Variants in G2E3 observed in about 807,000 individuals in gnomAD.
G2E3 encodes the protein G2/M-phase specific E3 ubiquitin protein ligase.
In G2E3, 35 loss-of-function variants were observed where a neutral mutation model predicts 92.8. The observed-to-expected ratio is 0.38, with a 90% CI of 0.29 to 0.50. The LOEUF is 0.50. G2E3 is among the 20% of genes least tolerant of loss of function. The pLI, the probability that G2E3 is intolerant of heterozygous loss-of-function variation, is 0.94. For synonymous variants in G2E3, 242 were observed against 272.4 expected, an observed-to-expected ratio of 0.89 and a Z score of 1.10; for missense variants, 554 against 823.8, an observed-to-expected ratio of 0.67 and a Z score of 4.01.
At chr14:30,610,144 A>G (rs74956779) in intron 12 of G2E3, among the ~76,000 whole-genome samples, 2,956 of 152,218 alleles carry the variant, frequency 0.019, 53 homozygotes, top group Middle Eastern at 0.034. Flanking sequence ...TGTACTTTTT[A>G]TCCAGTGTTT....
At chr14:30,580,842 G>T (rs1288992561) in intron 1 of G2E3, 1 of 430,954 alleles carries the variant, frequency 2.3e-6, no homozygotes, top group East Asian at 4.8e-5. Context: ...AATACCAGTG[G>T]TCATCTTAAT....
chr14:30,605,769 G>A lies in G2E3; in HGVS notation c.1275G>A (p.Leu425=). The change falls in exon 11 of 15, where the codon TTG becomes TTA. Residue 425 remains leucine (L), a synonymous_variant. Transcript: ENST00000206595. ...TGCAACATCTTGAGAACTCATCATT[G>A]TTTGAAGGGTCCTTGTCAAAGAACT... ...LLMQHLENSS[L]FEGSLSKNLS... is the part of the protein sequence containing the mutation. 6.3e-7 allele frequency: 1 copy of A among 1,592,294 alleles called. No homozygotes were observed. The highest frequency in any genetic ancestry group is 2.2e-5 in the East Asian group (1 of 44,622).
chr14:30,580,676 A>G (rs72666418), intron 1 of G2E3, among the ~76,000 whole-genome samples: 12,159 of 152,288 alleles, frequency 0.08, 659 homozygotes, highest in Non-Finnish European at 0.13. Flanking sequence ...ATTTGTTAAT[A>G]TGTAAAATGG....
rs1881880561 is a variant in G2E3, at chr14:30,607,398, G to A, written c.1319-490G>A. Among the ~76,000 whole-genome samples, 2 of 152,144 alleles carry A rather than the reference G, an allele frequency of 1.3e-5. 1 individual carries two copies. The highest frequency in any genetic ancestry group is 6.8e-3 in the Middle Eastern group (2 of 294). On this transcript the variant is annotated intron_variant, in intron 11 of 14. Coordinates refer to ENST00000206595, the MANE Select transcript of G2E3 (RefSeq NM_017769.5). ...CCAAGGCTCTATGGTAAAGCCTATT[G>A]GTTCTAGACTGCAAACCTGTATAAC...
chr14:30,604,872 CTTCA>C (rs138039664), intron 10 of G2E3, among the ~76,000 whole-genome samples: 64,008 of 147,100 alleles, frequency 0.44, 14,792 homozygotes, highest in East Asian at 0.58. Context: ...TTTGAGCTTG[CTTCA>C]TTCATTCATT....
Position 30,601,865 on chromosome 14 carries a change from T to A in G2E3, c.848T>A (p.Leu283Ter). 6.2e-7 allele frequency: 1 copy of A among 1,613,822 alleles called. No individual in the cohort carries two copies. Among genetic ancestry groups the A allele is most frequent in the Non-Finnish European group, 8.5e-7 (1 of 1,179,714 alleles). ...LRSWEQNWEC[L>*]ECRGIIYNSG... ...TCATGGGAGCAAAATTGGGAGTGTT[T>A]GGAATGTAGGGGTATTATCTACAAT... The change falls in exon 9 of 15, where the codon TTG becomes TAG. Residue 283 changes from leucine to a stop codon, truncating the protein, a stop_gained. Coordinates refer to ENST00000206595, the MANE Select transcript of G2E3 (RefSeq NM_017769.5). LOFTEE classifies it high-confidence loss of function.
intron 12 of G2E3, among the ~76,000 whole-genome samples, chr14:30,608,851 A>G (rs1881956922): frequency 6.6e-6 from 1 of 152,310 alleles, no homozygotes; most frequent in African/African-American, 2.4e-5. Context: ...GCGTGGTGGC[A>G]TGTGCCTGTA....
chr14:30,601,935 G>A, intron 9 of G2E3, 41 bp downstream of exon 9: 1 of 1,602,048 alleles, frequency 6.2e-7, no homozygotes, highest in Non-Finnish European at 8.5e-7. Flanking sequence ...TTATTCAAAT[G>A]TATATGATTT....
chr14:30,560,888 T>C (rs543485140), intron 1 of G2E3: 1 of 689,272 alleles, frequency 1.5e-6, no homozygotes, highest in African/African-American at 1.8e-5. Context: ...TGATCTTTCC[T>C]AGAAAGGCAT....
intron 1 of G2E3, among the ~76,000 whole-genome samples, chr14:30,573,027 C>T (rs1451197779): frequency 1.3e-5 from 2 of 151,698 alleles, no homozygotes; most frequent in Non-Finnish European, 2.9e-5. Context: ...GGATGGAGGT[C>T]TCACTATGTT....
At position 30,608,021 on chromosome 14, in the gene G2E3, A is replaced by G. The variant is rs763877040; in HGVS notation, c.1452A>G (p.Pro484=). 2 of 1,600,158 alleles carry G rather than the reference A, an allele frequency of 1.2e-6. No individual in the cohort carries two copies. Among genetic ancestry groups the G allele is most frequent in the Non-Finnish European group, 1.7e-6 (2 of 1,175,334 alleles). ...CLVYGPENTQ[P]ILDDVSDFDV... ...TTTATGGACCAGAAAATACCCAGCC[A>G]ATTTTAGATGATGTTTCAGACTTTG... is the stretch of plus-strand genomic sequence containing the variant. Residue 484 remains proline (P), a synonymous_variant, in exon 12 of 15, where the codon CCA becomes CCG. Transcript: ENST00000206595.
At chr14:30,562,702 G>A (rs895223755) in intron 1 of G2E3, among the ~76,000 whole-genome samples, 1 of 152,054 alleles carries the variant, frequency 6.6e-6, no homozygotes, top group African/African-American at 2.4e-5. Flanking sequence ...AGGCCTAACC[G>A]TCTCCCTGTG....
At chr14:30,614,583 GC>G (rs1882231824) in intron 13 of G2E3, among the ~76,000 whole-genome samples, 1 of 152,252 alleles carries the variant, frequency 6.6e-6, no homozygotes, top group African/African-American at 2.4e-5. Context: ...TGTTATACTG[GC>G]CATTAAATTT....
chr14:30,610,494 T>C (rs919375284), intron 12 of G2E3, among the ~76,000 whole-genome samples: 1 of 152,070 alleles, frequency 6.6e-6, no homozygotes, highest in African/African-American at 2.4e-5. Context: ...CGCGCGCCTA[T>C]AGTCCCAGCT....
intron 2 of G2E3, among the ~76,000 whole-genome samples, chr14:30,581,575 G>A (rs1880436104): frequency 6.6e-6 from 1 of 152,154 alleles, no homozygotes; most frequent in Non-Finnish European, 1.5e-5. Flanking sequence ...GGAGGCGCAT[G>A]CCTGTAATCC....
intron 11 of G2E3, 37 bp downstream of exon 11, chr14:30,605,849 C>A (rs1461856915): frequency 6.5e-6 from 7 of 1,084,408 alleles, no homozygotes; most frequent in African/African-American, 6.3e-5. Context: ...TACCAAATAT[C>A]ACATGTATAG....
At chr14:30,566,426 G>A (rs967476698) in intron 1 of G2E3, among the ~76,000 whole-genome samples, 2 of 152,134 alleles carry the variant, frequency 1.3e-5, no homozygotes, top group Non-Finnish European at 2.9e-5. Flanking sequence ...TTTCAGCACT[G>A]TTTTGTAGTT....
Position 30,566,530 on chromosome 14 carries a change from T to C in G2E3, c.-5+7258T>C, listed in dbSNP as rs142851760. On this transcript the variant is annotated intron_variant, in intron 1 of 14. Coordinates refer to ENST00000206595, the MANE Select transcript of G2E3 (RefSeq NM_017769.5). ...GGAATTGTTTACTTAATTTCCTTTT[T>C]GGATTGTTCATTGTTATATAGAAAT... is the stretch of plus-strand genomic sequence containing the variant. Among the ~76,000 whole-genome samples, 374 of 152,342 alleles carry C rather than the reference T, an allele frequency of 2.5e-3. 1 individual carries two copies. Among genetic ancestry groups the C allele is most frequent in the East Asian group, 2.3e-3 (12 of 5,186 alleles).
At chr14:30,598,301 C>A (rs1390282044) in intron 7 of G2E3, 182 bp from the exon 8 acceptor site, 2 of 457,952 alleles carry the variant, frequency 4.4e-6, no homozygotes, top group African/African-American at 4.0e-5. Context: ...CAGGGAGAAT[C>A]GCTTGAACCC....
Sources: gnomAD v4.1 joint callset for allele counts (sites outside exome capture counted in the v4.1 genomes callset) on GRCh38, gnomAD v4.1.1 for gene constraint, MANE v1.5 for transcripts, NCBI Gene and HGNC (gene_info 2026-07-23, HGNC 2026-07-21) for gene names.